The following CEBPZOS variants were observed in gnomAD, a reference collection of about 807,000 sequenced individuals.
The protein encoded by CEBPZOS is CEBPZ opposite strand, also known as protein CEBPZOS.
A neutral mutation model predicts 4.8 loss-of-function variants in CEBPZOS; 10 were observed. The ratio of observed to expected loss-of-function variants is 2.07; its 90% CI spans 1.28 to 3.52. The LOEUF is 3.52. CEBPZOS is among the 30% of genes most tolerant of loss of function. The pLI, the probability that CEBPZOS is intolerant of heterozygous loss-of-function variation, is 0.00. For synonymous variants in CEBPZOS, 25 were observed against 14.2 expected (o/e 1.77, Z -1.72); for missense variants, 98 against 43.6 (o/e 2.25, Z -3.51).
intron 4 of CEBPZOS, chr2:37,210,829 G>C (rs545378541): frequency 2.1e-6 from 1 of 487,210 alleles, no homozygotes. Flanking sequence ...CTGAATGCGA[G>C]AAACAATTCA....
intron 1 of CEBPZOS, among the ~76,000 whole-genome samples, chr2:37,197,843 G>A (rs1677022905): frequency 6.6e-6 from 1 of 151,846 alleles, no homozygotes; most frequent in Admixed American, 6.6e-5. Context: ...TCCTGCCTGG[G>A]AGACAGCAAG....
At chr2:37,206,185 A>G (rs1677533305), downstream of CEBPZOS, among the ~76,000 whole-genome samples, 1 of 152,330 alleles carries the variant, frequency 6.6e-6, no homozygotes, top group South Asian at 2.1e-4. Flanking sequence ...GGACAGGACT[A>G]ACGTGCAGCT....
intron 4 of CEBPZOS, chr2:37,212,658 C>G (rs891053263): frequency 8.5e-6 from 4 of 472,204 alleles, no homozygotes; most frequent in Non-Finnish European, 1.1e-5. Flanking sequence ...GGATAAATAT[C>G]AAATAAAATG....
downstream of CEBPZOS, among the ~76,000 whole-genome samples, chr2:37,206,428 G>A (rs1046052837): frequency 1.3e-5 from 2 of 152,232 alleles, no homozygotes; most frequent in African/African-American, 4.8e-5. Context: ...TGTGATCTTG[G>A]CTCACTGCGA....
chr2:37,212,522 T>C, intron 4 of CEBPZOS: 1 of 756,656 alleles, frequency 1.3e-6, no homozygotes, highest in South Asian at 1.7e-5. Context: ...ACAATGTAAA[T>C]GTTACTGTTG....
intron 4 of CEBPZOS, chr2:37,210,495 A>G (rs1010931667): frequency 1.3e-5 from 2 of 152,058 alleles, no homozygotes; most frequent in African/African-American, 4.8e-5. Context: ...GCTGGAGACC[A>G]TTATTCTAAG....
chr2:37,200,457 CCT>C lies in CEBPZOS; in HGVS notation c.116-590_116-589del, dbSNP rs767783295. On this transcript the variant is annotated intron_variant, in intron 2 of 4. Transcript: ENST00000402297. ...GATGCTACTGGATACTCAAAAAATC[CCT>C]TTTCTTTTAAACTCTAAGGAAGGGT... Among the ~76,000 whole-genome samples, 17 of 152,114 alleles carry C rather than the reference CCT, an allele frequency of 1.1e-4. 1 individual carries two copies. The East Asian group carries it at 3.3e-3, about 29-fold the overall frequency.
At chr2:37,200,661 GAAAA>G (rs59736571) in intron 2 of CEBPZOS, among the ~76,000 whole-genome samples, 2 of 147,560 alleles carry the variant, frequency 1.4e-5, no homozygotes, top group Non-Finnish European at 1.5e-5. Context: ...TGTATCTTAA[GAAAA>G]AAAAAAAAAG....
At position 37,212,321 on chromosome 2, in the gene CEBPZOS, T is replaced by C. The variant is rs757649379; in HGVS notation, c.*3-1116T>C. 42 of 1,608,558 alleles carry C rather than the reference T, an allele frequency of 2.6e-5. 1 individual carries two copies. The South Asian group carries it at 3.8e-4, about 15-fold the overall frequency. Reference sequence around the variant, plus strand: ...TGCTAGAAAAATAGGAAGGAGAAGATAGAAGTATGTTACCCAGCAAAATCC... The same window carrying C: ...TGCTAGAAAAATAGGAAGGAGAAGACAGAAGTATGTTACCCAGCAAAATCC... On this transcript the variant is annotated intron_variant, in intron 4 of 4. Transcript: ENST00000397064.
At position 37,199,687 on chromosome 2, in the gene CEBPZOS, T is replaced by C. The variant is rs926055284; in HGVS notation, c.-1-17T>C. On this transcript the variant is annotated splice_polypyrimidine_tract_variant and intron_variant, in intron 1 of 4. Coordinates refer to ENST00000402297, the MANE Select transcript of CEBPZOS (RefSeq NM_001322374.2). The stretch of plus-strand genomic sequence containing the variant: ...GTATGTTCATTCAGGTTTACACATA[T>C]CTGTTGTTAAATTTAGGATGGCCCG... 1.8e-5 allele frequency: 13 copies of C among 715,340 alleles called. No homozygotes were observed. The highest frequency in any genetic ancestry group is 4.6e-4 in the Middle Eastern group (2 of 4,358). The allele number at this position is 715,340 out of a possible 1,614,324, so 44.3% of individuals were successfully genotyped here. A position where few individuals can be genotyped will look rare whatever the true frequency, so the allele number is the denominator to read the frequency against.
chr2:37,201,115 A>T, intron 3 of CEBPZOS, 23 bp downstream of exon 3: 1 of 711,660 alleles, frequency 1.4e-6, no homozygotes, highest in East Asian at 2.7e-5. Context: ...TTAAGTAAAA[A>T]TAAGTATAAA....
chr2:37,201,130 C>A (rs1300304964), intron 3 of CEBPZOS, 38 bp downstream of exon 3: 2 of 703,772 alleles, frequency 2.8e-6, no homozygotes, highest in East Asian at 5.4e-5. Flanking sequence ...TATAAAACAA[C>A]TTCTTCAGGT....
chr2:37,197,894 C>G (rs1458507407), intron 1 of CEBPZOS, among the ~76,000 whole-genome samples: 1 of 151,608 alleles, frequency 6.6e-6, no homozygotes, highest in Non-Finnish European at 1.5e-5. Flanking sequence ...GGCGCGGTGG[C>G]CCACGCCTGT....
In CEBPZOS at chr2:37,203,041, T is replaced by C. The variant is rs769026985; in HGVS notation, c.*1181T>C. 12 of 1,369,864 alleles carry C rather than the reference T, an allele frequency of 8.8e-6. No individual in the cohort carries two copies. Among genetic ancestry groups the C allele is most frequent in the Non-Finnish European group, 1.2e-5 (12 of 1,006,714 alleles). The allele number at this position is 1,369,864 out of a possible 1,614,324, so 84.9% of individuals were successfully genotyped here. A position where few individuals can be genotyped will look rare whatever the true frequency, so the allele number is the denominator to read the frequency against. On this transcript the variant is annotated 3_prime_UTR_variant, in exon 5 of 5. Coordinates refer to ENST00000402297, the MANE Select transcript of CEBPZOS (RefSeq NM_001322374.2). ...AAATTGTAAGTCTACATTATTCAAT[T>C]ATAAATCTAATGATTTTAGAAAAAT...
chr2:37,213,040 G>A (rs954318758), intron 4 of CEBPZOS, among the ~76,000 whole-genome samples: 1 of 151,896 alleles, frequency 6.6e-6, no homozygotes, highest in Admixed American at 6.6e-5. Context: ...GAGAGAGCCT[G>A]TCTCAAAACA....
rs1294653949 is a variant in CEBPZOS, at chr2:37,202,443, G to C, written c.*583G>C. On this transcript the variant is annotated 3_prime_UTR_variant, in exon 5 of 5. Transcript: ENST00000402297. ...GCGGGTCACTTGAGGTCAGGAGTTC[G>C]AGACCAGCCTGGCCAACATGGTGAA... 1 of 175,164 alleles carries C rather than the reference G, an allele frequency of 5.7e-6. No individual in the cohort carries two copies. The highest frequency in any genetic ancestry group is 1.2e-4 in the South Asian group (1 of 8,500). 10.9% of individuals were successfully genotyped at this position (175,164 alleles called of 1,614,324 possible). A position where few individuals can be genotyped will look rare whatever the true frequency, so the allele number is the denominator to read the frequency against.
At chr2:37,207,822 A>G (rs1677589774), downstream of CEBPZOS, among the ~76,000 whole-genome samples, 1 of 152,188 alleles carries the variant, frequency 6.6e-6, no homozygotes, top group Non-Finnish European at 1.5e-5. Context: ...ACTAAATAAA[A>G]CTGAAGCAAA....
At chr2:37,201,322 G>C in intron 3 of CEBPZOS, 3 of 521,086 alleles carry the variant, frequency 5.8e-6, no homozygotes, top group Non-Finnish European at 1.0e-5. Flanking sequence ...TCATATATGA[G>C]GTGATAGAAT....
chr2:37,212,672 T>C (rs1677760817), intron 4 of CEBPZOS: 4 of 444,380 alleles, frequency 9.0e-6, no homozygotes, highest in East Asian at 4.1e-5. Flanking sequence ...TAAAATGATA[T>C]TTAGCAATTG....
Sources: allele counts gnomAD v4.1 joint callset (sites outside exome capture counted in the v4.1 genomes callset), GRCh38; gene constraint gnomAD v4.1.1; transcripts MANE v1.5; gene names NCBI Gene and HGNC (gene_info 2026-07-23, HGNC 2026-07-21).